The following WDR17 variants were observed in gnomAD, a reference collection of about 807,000 sequenced individuals.
WDR17 encodes WD repeat domain 17.
WDR17 carries 143 observed loss-of-function variants against 161.7 expected under a neutral mutation model. The ratio of observed to expected loss-of-function variants is 0.88; its 90% CI spans 0.77 to 1.02. WDR17 has a LOEUF of 1.02. Among genes scored for constraint, WDR17 ranks in the 50% least tolerant of loss-of-function variants. The pLI is 0.00. For missense variants in WDR17, 1,469 were observed against 1,520.9 expected (o/e 0.97, Z 0.57); for synonymous variants, 517 against 515.6 (o/e 1.00, Z -0.04).
At position 176,135,165 on chromosome 4, in the gene WDR17, G is replaced by C; in HGVS notation, c.1156G>C (p.Ala386Pro). ...CAAACCTGACGATCCTAATCTTTTA[G>C]CAACAGCTTCATTTGATGGCACTAT... ...KFKPDDPNLL[A>P]TASFDGTIKV... The change falls in exon 8 of 29, where the codon GCA (alanine) becomes CCA (proline). Residue 386 changes from alanine (A) to proline (P), a missense_variant. Coordinates refer to ENST00000508596, the MANE Select transcript of WDR17 (RefSeq NM_181265.4). 6.2e-7 allele frequency: 1 copy of C among 1,612,244 alleles called. No individual in the cohort carries two copies. The highest frequency in any genetic ancestry group is 8.5e-7 in the Non-Finnish European group (1 of 1,178,618).
intron 13 of WDR17, among the ~76,000 whole-genome samples, chr4:176,148,586 G>A (rs898736705): frequency 6.6e-6 from 1 of 152,148 alleles, no homozygotes. Context: ...CTGCAGGTGT[G>A]TCTGTGTTTC....
At chr4:176,103,202 C>T (rs1184129815) in intron 1 of WDR17, among the ~76,000 whole-genome samples, 1 of 152,120 alleles carries the variant, frequency 6.6e-6, no homozygotes, top group African/African-American at 2.4e-5. Flanking sequence ...TAGGAAGTTA[C>T]TATGCATGAA....
intron 1 of WDR17, among the ~76,000 whole-genome samples, chr4:176,098,722 G>A (rs1737300911): frequency 6.6e-6 from 1 of 151,796 alleles, no homozygotes; most frequent in African/African-American, 2.4e-5. Flanking sequence ...GTTTGAATAT[G>A]TAATTCAGAT....
intron 4 of WDR17, among the ~76,000 whole-genome samples, chr4:176,121,622 A>G (rs1316635814): frequency 6.6e-6 from 1 of 151,912 alleles, no homozygotes; most frequent in Non-Finnish European, 1.5e-5. Context: ...GTGATTTGTC[A>G]TTTTTACCCT....
At chr4:176,108,097 A>C (rs1002616117) in intron 1 of WDR17, among the ~76,000 whole-genome samples, 5 of 151,698 alleles carry the variant, frequency 3.3e-5, no homozygotes, top group Admixed American at 6.6e-5. Flanking sequence ...GGAGTGCAGT[A>C]GCATGGTCAT....
intron 22 of WDR17, chr4:176,166,187 A>G: frequency 1.5e-6 from 1 of 646,182 alleles, no homozygotes; most frequent in Non-Finnish European, 2.5e-6. Flanking sequence ...TTTAAAATGT[A>G]TATACTCCTT....
At chr4:176,172,787 G>T (rs1313939271) in intron 24 of WDR17, among the ~76,000 whole-genome samples, 1 of 152,054 alleles carries the variant, frequency 6.6e-6, no homozygotes, top group African/African-American at 2.4e-5. Context: ...CTTGGTGAGA[G>T]CAGGGGCAGA....
intron 17 of WDR17, among the ~76,000 whole-genome samples, chr4:176,155,733 A>T (rs1393137733): frequency 6.8e-6 from 1 of 146,590 alleles, no homozygotes; most frequent in African/African-American, 2.5e-5. Context: ...ATATATATAT[A>T]TATGTTTTGG....
intron 1 of WDR17, among the ~76,000 whole-genome samples, chr4:176,105,346 C>G (rs957762772): frequency 1.3e-5 from 2 of 151,952 alleles, no homozygotes; most frequent in African/African-American, 4.8e-5. Context: ...ACTGAGGACT[C>G]AAACAATATA....
intron 22 of WDR17, among the ~76,000 whole-genome samples, chr4:176,165,313 C>T (rs1749621831): frequency 6.6e-6 from 1 of 151,950 alleles, no homozygotes; most frequent in South Asian, 2.1e-4. Context: ...AGGTTGCAGT[C>T]AGCCAAGATC....
At chr4:176,088,082 G>A (rs1735648557) in intron 1 of WDR17, among the ~76,000 whole-genome samples, 1 of 152,106 alleles carries the variant, frequency 6.6e-6, no homozygotes, top group Admixed American at 6.6e-5. Flanking sequence ...GGCCTCAAGT[G>A]ATCTGCCCTC....
At chr4:176,169,515 GTATT>G (rs1750391125) in intron 23 of WDR17, among the ~76,000 whole-genome samples, 1 of 127,904 alleles carries the variant, frequency 7.8e-6, no homozygotes, top group African/African-American at 2.8e-5. Flanking sequence ...GTGAATGTAT[GTATT>G]TATTTATGTT....
intron 7 of WDR17, among the ~76,000 whole-genome samples, chr4:176,134,616 T>C (rs1458136766): frequency 6.6e-6 from 1 of 151,704 alleles, no homozygotes; most frequent in Non-Finnish European, 1.5e-5. Flanking sequence ...TTCTTCTGTT[T>C]CTGCCAAAAT....
In WDR17 at chr4:176,177,620, T is replaced by C. The variant is rs1473408784; in HGVS notation, c.3698T>C (p.Ile1233Thr). 1.9e-6 allele frequency: 3 copies of C among 1,596,334 alleles called. No individual in the cohort carries two copies. Among genetic ancestry groups the C allele is most frequent in the South Asian group, 1.1e-5 (1 of 87,474 alleles). ...TGSNLPSHSD[I>T]HISCLTGLKI... The stretch of plus-strand genomic sequence containing the variant: ...TCAAATCTTCCAAGTCATTCTGATA[T>C]TCACATTTCTTGTCTTACGGGATTA... The change falls in exon 28 of 29, where the codon ATT becomes ACT. Residue 1233 changes from isoleucine to threonine, a missense_variant. By Grantham distance (89) the Ile-to-Thr change is moderately conservative. Transcript: ENST00000508596.
intron 1 of WDR17, among the ~76,000 whole-genome samples, chr4:176,075,797 C>T (rs1733888022): frequency 6.6e-6 from 1 of 151,674 alleles, no homozygotes; most frequent in Non-Finnish European, 1.5e-5. Context: ...ATAGTGATGC[C>T]CTATGTCTAC....
intron 1 of WDR17, among the ~76,000 whole-genome samples, chr4:176,098,551 A>G (rs1377254819): frequency 1.3e-5 from 2 of 151,986 alleles, no homozygotes; most frequent in Non-Finnish European, 2.9e-5. Flanking sequence ...TCATGAATTG[A>G]GTAACAATTC....
intron 1 of WDR17, among the ~76,000 whole-genome samples, chr4:176,099,921 T>G (rs1561096663): frequency 6.6e-6 from 1 of 152,168 alleles, no homozygotes; most frequent in Non-Finnish European, 1.5e-5. Context: ...AATACATGAT[T>G]TTTAATGGCT....
chr4:176,111,475 C>G, intron 1 of WDR17, 100 bp from the exon 2 acceptor site: 3 of 1,312,154 alleles, frequency 2.3e-6, no homozygotes, highest in Non-Finnish European at 3.0e-6. Context: ...AAATGTTTTT[C>G]AGGGCACACA....
intron 3 of WDR17, among the ~76,000 whole-genome samples, chr4:176,116,402 A>G (rs1423983493): frequency 6.6e-6 from 1 of 151,824 alleles, no homozygotes; most frequent in Non-Finnish European, 1.5e-5. Flanking sequence ...TCATGCCTTT[A>G]TTTTTAATTT....
Sources: gnomAD v4.1 joint callset for allele counts (sites outside exome capture counted in the v4.1 genomes callset) on GRCh38, gnomAD v4.1.1 for gene constraint, MANE v1.5 for transcripts, NCBI Gene and HGNC (gene_info 2026-07-23, HGNC 2026-07-21) for gene names.